Variants in PBX3 observed in about 807,000 individuals in gnomAD.
PBX3 encodes the protein PBX homeobox 3, also known as pre-B-cell leukemia transcription factor 3.
A neutral mutation model predicts 48.5 loss-of-function variants in PBX3; 14 were observed. That is an observed-to-expected ratio of 0.29 (90% CI 0.19 to 0.45). The LOEUF is 0.45. Ranked by LOEUF, PBX3 falls within the 20% of genes least tolerant of loss-of-function variation. The pLI is 1.00. For synonymous variants in PBX3, 210 were observed against 200.3 expected (o/e 1.05, Z -0.41); for missense variants, 386 against 546.7 (o/e 0.71, Z 2.93).
intron 2 of PBX3, among the ~76,000 whole-genome samples, chr9:125,803,739 GTTTA>G (rs1838038355): frequency 6.6e-6 from 1 of 152,108 alleles, no homozygotes; most frequent in Non-Finnish European, 1.5e-5. Flanking sequence ...GACTACTCTC[GTTTA>G]TTTTTTACAC....
chr9:125,836,118 A>G (rs1159056540), intron 2 of PBX3, among the ~76,000 whole-genome samples: 2 of 152,190 alleles, frequency 1.3e-5, no homozygotes, highest in African/African-American at 4.8e-5. Flanking sequence ...AAACACAAAT[A>G]TCCCATGTTC....
intron 2 of PBX3, among the ~76,000 whole-genome samples, chr9:125,881,984 T>G (rs1840392328): frequency 1.3e-5 from 2 of 151,972 alleles, no homozygotes; most frequent in South Asian, 4.1e-4. Context: ...GAGGATCATT[T>G]GAGGCCAGGA....
intron 2 of PBX3, among the ~76,000 whole-genome samples, chr9:125,907,921 C>T (rs1376879723): frequency 6.6e-6 from 1 of 152,074 alleles, no homozygotes; most frequent in Non-Finnish European, 1.5e-5. Context: ...AGGCCAATGA[C>T]ATCCACCCTG....
In PBX3 at chr9:125,878,566, G is replaced by T. The variant is rs372580964; in HGVS notation, c.275-37120G>T. On this transcript the variant is annotated intron_variant, in intron 2 of 8. Coordinates refer to ENST00000373489, the MANE Select transcript of PBX3 (RefSeq NM_006195.6). ...CTGCCTTTTGTATATTCATGACCCA[G>T]CTTGATTGATGGAAGGACAGTGTTT... 9.8e-5 allele frequency among the ~76,000 whole-genome samples: 15 copies of T among 152,310 alleles called. No individual in the cohort carries two copies. In the South Asian group the frequency reaches 2.9e-3, roughly 29 times the overall value.
intron 2 of PBX3, among the ~76,000 whole-genome samples, chr9:125,890,206 A>G (rs1460695153): frequency 1.3e-5 from 2 of 152,222 alleles, no homozygotes; most frequent in African/African-American, 2.4e-5. Flanking sequence ...CATAACCACC[A>G]TGTGAACATT....
intron 2 of PBX3, among the ~76,000 whole-genome samples, chr9:125,799,556 A>G (rs1837879798): frequency 6.6e-6 from 1 of 152,236 alleles, no homozygotes. Context: ...TTTGTTGACT[A>G]CTTAAGTGTG....
intron 2 of PBX3, among the ~76,000 whole-genome samples, chr9:125,765,828 AAAG>A (rs1836789230): frequency 6.6e-6 from 1 of 152,210 alleles, no homozygotes; most frequent in Non-Finnish European, 1.5e-5. Flanking sequence ...CTATGGGAAA[AAAG>A]AAGAGTTTGT....
At chr9:125,904,388 G>A (rs566825480) in intron 2 of PBX3, among the ~76,000 whole-genome samples, 2 of 151,912 alleles carry the variant, frequency 1.3e-5, no homozygotes, top group East Asian at 3.9e-4. Flanking sequence ...GCAAATATTT[G>A]TGTATCTCTT....
At chr9:125,899,313 A>G (rs1293897548) in intron 2 of PBX3, among the ~76,000 whole-genome samples, 2 of 109,260 alleles carry the variant, frequency 1.8e-5, no homozygotes, top group Non-Finnish European at 3.5e-5. Flanking sequence ...ACATATATGT[A>G]TATATTTTTA....
intron 2 of PBX3, among the ~76,000 whole-genome samples, chr9:125,826,897 T>C (rs778545435): frequency 5.9e-5 from 9 of 152,194 alleles, no homozygotes; most frequent in Non-Finnish European, 1.2e-4. Flanking sequence ...AGTTCTTTCT[T>C]CTAGCTACTT....
At chr9:125,859,744 T>C (rs1241730930) in intron 2 of PBX3, among the ~76,000 whole-genome samples, 2 of 152,246 alleles carry the variant, frequency 1.3e-5, no homozygotes, top group Non-Finnish European at 2.9e-5. Flanking sequence ...ATTGGGTATT[T>C]GGTTACAATT....
At chr9:125,799,237 G>A (rs1344977227) in intron 2 of PBX3, among the ~76,000 whole-genome samples, 2 of 152,164 alleles carry the variant, frequency 1.3e-5, no homozygotes, top group East Asian at 1.9e-4. Context: ...GAAGCAGGCC[G>A]GTTCAGTGGT....
intron 2 of PBX3, among the ~76,000 whole-genome samples, chr9:125,913,617 G>A (rs553033630): frequency 6.6e-6 from 1 of 152,198 alleles, no homozygotes; most frequent in East Asian, 1.9e-4. Context: ...TCTCTTGTTT[G>A]CCGTACATGT....
At chr9:125,801,827 ATTC>A (rs1324732172) in intron 2 of PBX3, among the ~76,000 whole-genome samples, 74 of 152,106 alleles carry the variant, frequency 4.9e-4, no homozygotes, top group African/African-American at 1.7e-3. Flanking sequence ...ACACACACAT[ATTC>A]TTAACTTTCT....
chr9:125,758,406 GTT>G (rs1357160671), intron 2 of PBX3, among the ~76,000 whole-genome samples: 1 of 151,794 alleles, frequency 6.6e-6, no homozygotes, highest in African/African-American at 2.4e-5. Context: ...ATCTAATAGT[GTT>G]TTCTAAAGAC....
intron 3 of PBX3, among the ~76,000 whole-genome samples, chr9:125,929,416 G>A (rs958121496): frequency 9.2e-5 from 14 of 152,318 alleles, no homozygotes; most frequent in African/African-American, 2.9e-4. Context: ...ACTGGACAGG[G>A]GTGGGTGGGA....
chr9:125,863,211 A>ATTT (rs113830548), intron 2 of PBX3, among the ~76,000 whole-genome samples: 37 of 128,778 alleles, frequency 2.9e-4, no homozygotes, highest in African/African-American at 9.9e-4. Flanking sequence ...ACATGACATG[A>ATTT]TTTTTTTTTT....
chr9:125,839,240 T>C (rs1839221116), intron 2 of PBX3, among the ~76,000 whole-genome samples: 1 of 152,210 alleles, frequency 6.6e-6, no homozygotes. Flanking sequence ...CCACAGAAGA[T>C]ACTCAATAGA....
At chr9:125,939,475 C>T (rs974665005) in intron 5 of PBX3, among the ~76,000 whole-genome samples, 1 of 152,058 alleles carries the variant, frequency 6.6e-6, no homozygotes, top group Non-Finnish European at 1.5e-5. Context: ...GCAGTAGGAG[C>T]CCTTATAATA....
Sources: allele counts gnomAD v4.1 joint callset (sites outside exome capture counted in the v4.1 genomes callset), GRCh38; gene constraint gnomAD v4.1.1; transcripts MANE v1.5; gene names NCBI Gene and HGNC (gene_info 2026-07-23, HGNC 2026-07-21).